Variants in EML6 observed in about 807,000 individuals in gnomAD.
EML6 encodes echinoderm microtubule-associated protein-like 6.
EML6 carries 154 observed loss-of-function variants against 240.1 expected under a neutral mutation model. The observed-to-expected ratio is 0.64, with a 90% CI of 0.56 to 0.73. EML6 has a LOEUF of 0.73. EML6 is among the 30% of genes least tolerant of loss of function. The pLI is 0.00. For synonymous variants in EML6, 1,148 were observed against 899.0 expected (o/e 1.28, Z -4.95); for missense variants, 2,964 against 2,474.6 (o/e 1.20, Z -4.20).
chr2:54,895,144 T>C, intron 20 of EML6, 118 bp downstream of exon 20: 16 of 1,316,252 alleles, frequency 1.2e-5, no homozygotes, highest in Non-Finnish European at 1.7e-5. Context: ...TGTTTAGAAC[T>C]CTCTTCCTCT....
chr2:54,930,059 A>G (rs1396672759), intron 28 of EML6, among the ~76,000 whole-genome samples: 1 of 152,178 alleles, frequency 6.6e-6, no homozygotes, highest in Non-Finnish European at 1.5e-5. Flanking sequence ...ATCTAAAAAA[A>G]TGTTTCACCT....
chr2:54,925,618 G>A (rs1269407465), intron 26 of EML6, among the ~76,000 whole-genome samples: 2 of 152,088 alleles, frequency 1.3e-5, no homozygotes, highest in Non-Finnish European at 2.9e-5. Flanking sequence ...TTAATATTCA[G>A]TTTTATAGGT....
At chr2:54,910,502 A>C (rs1309741579) in intron 24 of EML6, among the ~76,000 whole-genome samples, 2 of 152,248 alleles carry the variant, frequency 1.3e-5, no homozygotes, top group African/African-American at 4.8e-5. Context: ...TTTAAAGGCA[A>C]ATTTAGAACT....
chr2:54,802,858 A>G (rs1429466164), intron 2 of EML6, among the ~76,000 whole-genome samples: 3 of 152,248 alleles, frequency 2.0e-5, no homozygotes, highest in South Asian at 2.1e-4. Context: ...ACTCTTACAC[A>G]TGGAATCTTA....
intron 17 of EML6, among the ~76,000 whole-genome samples, chr2:54,889,345 G>A (rs535493666): frequency 9.2e-5 from 14 of 151,636 alleles, no homozygotes; most frequent in Non-Finnish European, 4.4e-5. Context: ...CACACACCCC[G>A]TGGTCTTTTT....
intron 15 of EML6, among the ~76,000 whole-genome samples, chr2:54,870,322 AT>A (rs1449754686): frequency 3.3e-5 from 5 of 149,678 alleles, no homozygotes; most frequent in Admixed American, 6.6e-5. Context: ...TAGCTTTTAA[AT>A]TTTTTTTTAA....
At chr2:54,762,999 A>C (rs1668042218) in intron 2 of EML6, among the ~76,000 whole-genome samples, 1 of 152,038 alleles carries the variant, frequency 6.6e-6, no homozygotes, top group Non-Finnish European at 1.5e-5. Flanking sequence ...TATACTGGTA[A>C]CCCCCCAATT....
chr2:54,928,751 G>A lies in EML6; in HGVS notation c.4004G>A (p.Arg1335Lys). ...CTGAAGGAAGTTTCCGTGGAAGAAA[G>A]GTATGGTGTTGCCAGGTTTGCTTGC... is the stretch of plus-strand genomic sequence containing the variant. The part of the protein sequence containing the change: ...QQLKEVSVEE[R>K]PPVSRAAPQP... Residue 1335 changes from arginine to lysine, a missense_variant and splice_region_variant, in exon 28 of 42, where the codon AGA becomes AAA. By Grantham distance (26) the Arg-to-Lys change is conservative (BLOSUM62 2). Coordinates refer to ENST00000356458, the MANE Select transcript of EML6 (RefSeq NM_001039753.4). 6.4e-7 allele frequency: 1 copy of A among 1,551,794 alleles called. No individual in the cohort carries two copies. The highest frequency in any genetic ancestry group is 2.0e-5 in the Admixed American group (1 of 51,010).
intron 20 of EML6, 26 bp downstream of exon 20, chr2:54,895,052 G>C: frequency 1.3e-6 from 2 of 1,491,510 alleles, no homozygotes; most frequent in Non-Finnish European, 1.8e-6. Context: ...ATGTAATAGA[G>C]ATCTTTGTAT....
intron 24 of EML6, among the ~76,000 whole-genome samples, chr2:54,906,664 T>C (rs1573115751): frequency 6.6e-6 from 1 of 152,210 alleles, no homozygotes; most frequent in African/African-American, 2.4e-5. Context: ...GAGACACTTC[T>C]GATTTTTAGG....
chr2:54,787,745 G>C (rs1308532857), intron 2 of EML6, among the ~76,000 whole-genome samples: 1 of 152,172 alleles, frequency 6.6e-6, no homozygotes, highest in African/African-American at 2.4e-5. Context: ...TCTCAAATCA[G>C]ATTTTATAGG....
At chr2:54,916,107 T>G (rs1436889934) in intron 25 of EML6, among the ~76,000 whole-genome samples, 2 of 152,358 alleles carry the variant, frequency 1.3e-5, no homozygotes, top group East Asian at 3.9e-4. Flanking sequence ...ATTTTTAAAG[T>G]AGTCTCTCTA....
chr2:54,837,610 G>A (rs1033261171), intron 7 of EML6, among the ~76,000 whole-genome samples: 1 of 152,164 alleles, frequency 6.6e-6, no homozygotes, highest in African/African-American at 2.4e-5. Flanking sequence ...GATCCAGTGG[G>A]GTAGAGTTTG....
intron 35 of EML6, among the ~76,000 whole-genome samples, chr2:54,961,330 G>A (rs1268735454): frequency 6.6e-6 from 1 of 151,260 alleles, no homozygotes; most frequent in Non-Finnish European, 1.5e-5. Flanking sequence ...GATTACAGGT[G>A]CCCACCACCA....
chr2:54,960,207 C>T lies in EML6; in HGVS notation c.4854-13C>T, dbSNP rs746207187. On this transcript the variant is annotated splice_polypyrimidine_tract_variant and intron_variant, in intron 34 of 41. Coordinates refer to ENST00000356458, the MANE Select transcript of EML6 (RefSeq NM_001039753.4). ...GAGGGTTAACAGCCTGAGTCCCTTT[C>T]AATCTTTTTTAGGACCAAAGAAGGA... 14 of 1,538,682 alleles carry T rather than the reference C, an allele frequency of 9.1e-6. No individual in the cohort carries two copies. The South Asian group carries it at 1.3e-4, about 14-fold the overall frequency.
intron 26 of EML6, among the ~76,000 whole-genome samples, chr2:54,926,948 T>A (rs895723696): frequency 2.6e-5 from 4 of 152,208 alleles, no homozygotes; most frequent in Non-Finnish European, 5.9e-5. Flanking sequence ...CTTTTACTTC[T>A]GTAAAGAAAC....
At chr2:54,911,162 A>C in intron 25 of EML6, 120 bp downstream of exon 25, 1 of 553,294 alleles carries the variant, frequency 1.8e-6, no homozygotes, top group Non-Finnish European at 3.3e-6. Flanking sequence ...TTTAAGTTTG[A>C]TCGTGTCTTC....
At chr2:54,895,078 A>C in intron 20 of EML6, 52 bp downstream of exon 20, 2 of 1,423,658 alleles carry the variant, frequency 1.4e-6, no homozygotes, top group Non-Finnish European at 1.9e-6. Flanking sequence ...GGGATGGAGA[A>C]GATTGTACTA....
intron 4 of EML6, among the ~76,000 whole-genome samples, chr2:54,817,241 G>A (rs1279608269): frequency 6.6e-6 from 1 of 152,172 alleles, no homozygotes; most frequent in Admixed American, 6.5e-5. Flanking sequence ...ATGATTACAA[G>A]GGTATGCATT....
Sources: gnomAD v4.1 joint callset for allele counts (sites outside exome capture counted in the v4.1 genomes callset) on GRCh38, gnomAD v4.1.1 for gene constraint, MANE v1.5 for transcripts, NCBI Gene and HGNC (gene_info 2026-07-23, HGNC 2026-07-21) for gene names.